SNX27: variants seen among roughly 807,000 people sequenced by gnomAD.
The protein encoded by SNX27 is sorting nexin 27.
A neutral mutation model predicts 71.6 loss-of-function variants in SNX27; 22 were observed. The ratio of observed to expected loss-of-function variants is 0.31; its 90% CI spans 0.22 to 0.44. SNX27 has a LOEUF of 0.44. Ranked by LOEUF, SNX27 falls within the 20% of genes least tolerant of loss-of-function variation. The pLI, the probability that SNX27 is intolerant of heterozygous loss-of-function variation, is 1.00. For missense variants in SNX27, 531 were observed against 698.6 expected, an observed-to-expected ratio of 0.76 and a Z score of 2.70; for synonymous variants, 269 against 277.2, an observed-to-expected ratio of 0.97 and a Z score of 0.29.
chr1:151,620,079 G>A (rs1476480900), intron 1 of SNX27, among the ~76,000 whole-genome samples: 1 of 152,174 alleles, frequency 6.6e-6, no homozygotes, highest in Non-Finnish European at 1.5e-5. Flanking sequence ...ATAGGTTGAG[G>A]AAAACTGTGA....
rs534301069 is a variant in SNX27, at chr1:151,627,395, C to T, written c.312-11493C>T. ...CAGTACTTATTGGTAGTCCCTTTTGCGTTTAGTCTTATGGACTCTTTTCCT... is the reference window on the plus strand; with the variant it reads ...CAGTACTTATTGGTAGTCCCTTTTGTGTTTAGTCTTATGGACTCTTTTCCT... On this transcript the variant is annotated intron_variant, in intron 1 of 11. Transcript: ENST00000458013. Among the ~76,000 whole-genome samples, 193 of 152,296 alleles carry T rather than the reference C, an allele frequency of 1.3e-3. 1 individual carries two copies. Among genetic ancestry groups the T allele is most frequent in the Non-Finnish European group, 2.4e-3 (160 of 68,022 alleles).
chr1:151,653,477 G>A (rs371273301), intron 2 of SNX27, among the ~76,000 whole-genome samples: 4 of 152,058 alleles, frequency 2.6e-5, no homozygotes, highest in African/African-American at 9.7e-5. Flanking sequence ...CTATTACCTT[G>A]TGCTTAGAGT....
chr1:151,665,777 C>T (rs1478779313), intron 5 of SNX27, among the ~76,000 whole-genome samples, 156 bp from the exon 6 acceptor site: 1 of 152,120 alleles, frequency 6.6e-6, no homozygotes, highest in Non-Finnish European at 1.5e-5. Flanking sequence ...CACATACATA[C>T]AAAGAAGGAT....
chr1:151,636,727 A>G (rs565089634), intron 1 of SNX27, among the ~76,000 whole-genome samples: 1 of 144,108 alleles, frequency 6.9e-6, no homozygotes, highest in South Asian at 2.1e-4. Flanking sequence ...CTAGGGATAT[A>G]TAAGAATGTA....
chr1:151,637,031 A>G (rs567890312), intron 1 of SNX27, among the ~76,000 whole-genome samples: 1 of 152,300 alleles, frequency 6.6e-6, no homozygotes, highest in Non-Finnish European at 1.5e-5. Flanking sequence ...GAAAGGTTAA[A>G]AACTCAGTCA....
intron 6 of SNX27, chr1:151,666,507 T>C (rs1670194550): frequency 1.3e-5 from 2 of 152,314 alleles, no homozygotes; most frequent in African/African-American, 4.8e-5. Context: ...AGGAAATTTA[T>C]ATTTTATTTT....
chr1:151,636,085 A>T (rs1202670557), intron 1 of SNX27, among the ~76,000 whole-genome samples: 1 of 152,204 alleles, frequency 6.6e-6, no homozygotes, highest in Non-Finnish European at 1.5e-5. Flanking sequence ...AAAAAAACGC[A>T]TAATAGGCAC....
intron 8 of SNX27, among the ~76,000 whole-genome samples, chr1:151,690,227 G>A (rs1451496137): frequency 2.0e-5 from 3 of 152,132 alleles, no homozygotes; most frequent in Non-Finnish European, 2.9e-5. Flanking sequence ...AGCTTCGATA[G>A]CCTTCGACTT....
intron 6 of SNX27, among the ~76,000 whole-genome samples, chr1:151,667,735 G>A (rs1259596951): frequency 2.4e-4 from 36 of 149,748 alleles, no homozygotes; most frequent in African/African-American, 8.1e-4. Context: ...GCTGAGGCAG[G>A]AGAATGGCGT....
chr1:151,653,567 G>A (rs1669535693), intron 2 of SNX27, among the ~76,000 whole-genome samples: 1 of 152,094 alleles, frequency 6.6e-6, no homozygotes, highest in Non-Finnish European at 1.5e-5. Flanking sequence ...CACTCAGACT[G>A]GAGTGCAGTT....
At chr1:151,622,542 T>C (rs955413458) in intron 1 of SNX27, among the ~76,000 whole-genome samples, 1 of 152,250 alleles carries the variant, frequency 6.6e-6, no homozygotes, top group Non-Finnish European at 1.5e-5. Flanking sequence ...AACAAGTATA[T>C]TTTATTCTTT....
At chr1:151,620,422 T>C (rs921926011) in intron 1 of SNX27, among the ~76,000 whole-genome samples, 20 of 152,336 alleles carry the variant, frequency 1.3e-4, no homozygotes, top group African/African-American at 4.6e-4. Context: ...TTGGACTGTC[T>C]TGTACTATAT....
chr1:151,641,620 T>TATCATATGTATC (rs1558046475), intron 2 of SNX27, among the ~76,000 whole-genome samples: 2 of 133,586 alleles, frequency 1.5e-5, no homozygotes, highest in Non-Finnish European at 3.1e-5. Flanking sequence ...TATATATATA[T>TATCATATGTATC]ATATATATAT....
chr1:151,627,024 T>C (rs888688625), intron 1 of SNX27, among the ~76,000 whole-genome samples: 6 of 152,188 alleles, frequency 3.9e-5, no homozygotes, highest in African/African-American at 7.2e-5. Context: ...TTCTGGGCAT[T>C]AGGGTGTGGT....
intron 1 of SNX27, among the ~76,000 whole-genome samples, chr1:151,635,139 A>C (rs1201377008): frequency 6.6e-6 from 1 of 152,256 alleles, no homozygotes; most frequent in African/African-American, 2.4e-5. Flanking sequence ...AAAGGTTTGT[A>C]TCATCAAGGA....
intron 1 of SNX27, among the ~76,000 whole-genome samples, chr1:151,627,765 T>G (rs1194928592): frequency 2.0e-5 from 3 of 152,118 alleles, no homozygotes; most frequent in African/African-American, 7.2e-5. Flanking sequence ...CTATAGATTT[T>G]GACATGCATT....
Position 151,695,445 on chromosome 1 carries a change from G to C in SNX27, c.*1028G>C, listed in dbSNP as rs1258978591. 1.6e-5 allele frequency: 2 copies of C among 123,448 alleles called. No individual in the cohort carries two copies. The highest frequency in any genetic ancestry group is 3.1e-5 in the African/African-American group (1 of 32,208). 7.6% of individuals were successfully genotyped at this position (123,448 alleles called of 1,614,324 possible). A position where few individuals can be genotyped will look rare whatever the true frequency, so the allele number is the denominator to read the frequency against. On this transcript the variant is annotated 3_prime_UTR_variant, in exon 12 of 12. Coordinates refer to ENST00000458013, the MANE Select transcript of SNX27 (RefSeq NM_001330723.2). ...TTTTTTTTTTTTTTTTTCTGAGACA[G>C]GGTCTTACTCTGTCGCCCAGACTGG...
intron 2 of SNX27, among the ~76,000 whole-genome samples, chr1:151,650,322 T>G (rs1176179895): frequency 2.0e-5 from 3 of 152,212 alleles, no homozygotes; most frequent in Non-Finnish European, 4.4e-5. Flanking sequence ...CCACTGCACC[T>G]GGCCTGCAGC....
chr1:151,691,234 G>C (rs141071566), intron 8 of SNX27, among the ~76,000 whole-genome samples: 5 of 152,004 alleles, frequency 3.3e-5, no homozygotes, highest in African/African-American at 1.2e-4. Context: ...AGTGAGCCGA[G>C]ATGTGCCACT....
Sources: allele counts gnomAD v4.1 joint callset (sites outside exome capture counted in the v4.1 genomes callset), GRCh38; gene constraint gnomAD v4.1.1; transcripts MANE v1.5; gene names NCBI Gene and HGNC (gene_info 2026-07-23, HGNC 2026-07-21).